CTNND2: variants seen among roughly 807,000 people sequenced by gnomAD.
CTNND2 encodes the protein catenin delta 2.
A neutral mutation model predicts 144.4 loss-of-function variants in CTNND2; 22 were observed. The observed-to-expected ratio is 0.15, with a 90% CI of 0.11 to 0.22. The LOEUF (loss-of-function observed/expected upper bound fraction) is 0.22. CTNND2 is among the 10% of genes least tolerant of loss of function. The probability of loss-of-function intolerance (pLI) is 1.00; values close to 1 mark genes in which losing one functional copy is unlikely to be tolerated. For synonymous variants in CTNND2, 751 were observed against 695.6 expected (o/e 1.08, Z -1.25); for missense variants, 1,353 against 1,618.8 (o/e 0.84, Z 2.82).
At chr5:11,147,663 A>G (rs79207666) in intron 12 of CTNND2, among the ~76,000 whole-genome samples, 1 of 32,468 alleles carries the variant, frequency 3.1e-5, no homozygotes, top group Non-Finnish European at 8.5e-5. Context: ...AGCAGTTGAA[A>G]AAAAAAAAAA....
intron 2 of CTNND2, among the ~76,000 whole-genome samples, chr5:11,680,335 AC>A (rs1474455065): frequency 5.3e-5 from 8 of 151,846 alleles, no homozygotes; most frequent in African/African-American, 1.2e-4. Flanking sequence ...CCCCACCCAC[AC>A]CCCCACATTT....
At chr5:11,153,155 G>A (rs1757903185) in intron 12 of CTNND2, among the ~76,000 whole-genome samples, 3 of 152,036 alleles carry the variant, frequency 2.0e-5, no homozygotes, top group South Asian at 4.1e-4. Context: ...CCAGGCACTC[G>A]GGAGGCTGAG....
intron 2 of CTNND2, among the ~76,000 whole-genome samples, chr5:11,725,714 T>C (rs1194691785): frequency 6.6e-6 from 1 of 152,212 alleles, no homozygotes; most frequent in Non-Finnish European, 1.5e-5. Context: ...TAATTATATA[T>C]CTGAGGAAAT....
intron 12 of CTNND2, among the ~76,000 whole-genome samples, chr5:11,129,314 A>AAATATATAATATGTAT (rs1453790936): frequency 4.0e-5 from 4 of 99,716 alleles, no homozygotes; most frequent in African/African-American, 8.2e-5. Flanking sequence ...ATATATATAA[A>AAATATATAATATGTAT]TATATATAAT....
intron 9 of CTNND2, among the ~76,000 whole-genome samples, chr5:11,250,314 G>C (rs1743424244): frequency 6.6e-6 from 1 of 151,482 alleles, no homozygotes; most frequent in Non-Finnish European, 1.5e-5. Flanking sequence ...TCAATATAAT[G>C]GTACCCAATT....
At chr5:11,708,959 T>G (rs912484456) in intron 2 of CTNND2, among the ~76,000 whole-genome samples, 4 of 152,186 alleles carry the variant, frequency 2.6e-5, no homozygotes, top group Non-Finnish European at 5.9e-5. Flanking sequence ...ATAGTGCCTT[T>G]GAGATTCGCA....
intron 18 of CTNND2, among the ~76,000 whole-genome samples, chr5:10,995,192 G>A (rs768409811): frequency 2.0e-5 from 3 of 152,260 alleles, no homozygotes; most frequent in Non-Finnish European, 4.4e-5. Context: ...ACCTGTAAGC[G>A]AATGCAAATA....
intron 1 of CTNND2, among the ~76,000 whole-genome samples, chr5:11,744,694 TGC>T (rs757716333): frequency 1.9e-4 from 20 of 106,550 alleles, no homozygotes; most frequent in Admixed American, 3.0e-4. Context: ...TTTGTGTGTG[TGC>T]GTGTGTGTGT....
intron 1 of CTNND2, among the ~76,000 whole-genome samples, chr5:11,754,783 T>G (rs890946746): frequency 6.6e-6 from 1 of 151,722 alleles, no homozygotes; most frequent in Non-Finnish European, 1.5e-5. Flanking sequence ...AGCCCCTGCT[T>G]TTTTCTGTTT....
intron 16 of CTNND2, among the ~76,000 whole-genome samples, chr5:11,055,203 C>T (rs1746232917): frequency 6.6e-6 from 1 of 152,206 alleles, no homozygotes; most frequent in Admixed American, 6.5e-5. Flanking sequence ...GCTACCTAAA[C>T]AAGTTGTGTG....
chr5:11,225,081 T>G lies in CTNND2; in HGVS notation c.1761+11610A>C, dbSNP rs32255. ...AAGACTGCCTGTGTGTCTTGCTAAC[T>G]GGCAACAGCAACAACAAAAAAAACC... On this transcript the variant is annotated intron_variant, in intron 10 of 21. Coordinates refer to ENST00000304623, the MANE Select transcript of CTNND2 (RefSeq NM_001332.4). 6.9e-3 allele frequency among the ~76,000 whole-genome samples: 1,058 copies of G among 152,262 alleles called. 5 individuals are homozygous for G. Among genetic ancestry groups the G allele is most frequent in the African/African-American group, 0.024 (1,007 of 41,544 alleles).
intron 3 of CTNND2, among the ~76,000 whole-genome samples, chr5:11,485,345 C>G (rs970518241): frequency 6.7e-6 from 1 of 148,736 alleles, no homozygotes; most frequent in Non-Finnish European, 1.5e-5. Context: ...GAGACAGAGA[C>G]TGTGTGTGTG....
intron 9 of CTNND2, among the ~76,000 whole-genome samples, chr5:11,301,258 T>C (rs1050949429): frequency 6.6e-6 from 1 of 152,128 alleles, no homozygotes; most frequent in African/African-American, 2.4e-5. Flanking sequence ...ACCTCGTGAG[T>C]TGCCCGCCTC....
intron 2 of CTNND2, among the ~76,000 whole-genome samples, chr5:11,590,789 A>G (rs956093820): frequency 6.6e-6 from 1 of 152,042 alleles, no homozygotes; most frequent in African/African-American, 2.4e-5. Context: ...TCCTAACTCC[A>G]CCACCTATCC....
At chr5:11,716,271 G>A (rs1786344782) in intron 2 of CTNND2, among the ~76,000 whole-genome samples, 1 of 152,112 alleles carries the variant, frequency 6.6e-6, no homozygotes, top group African/African-American at 2.4e-5. Flanking sequence ...AACAAGAAGA[G>A]TAGCAATTTA....
In CTNND2 at chr5:11,450,148, G is replaced by A. The variant is rs61760343; in HGVS notation, c.288-38079C>T. ...ATGGCTCTCAACTTATGTATCATTC[G>A]TGTAAAATGGGTTGCTTCTGACATT... On this transcript the variant is annotated intron_variant, in intron 3 of 21. Coordinates refer to ENST00000304623, the MANE Select transcript of CTNND2 (RefSeq NM_001332.4). Among the ~76,000 whole-genome samples the A allele has an allele frequency of 8.5e-5, 13 of 152,236 alleles. No homozygotes were observed. In the East Asian group the frequency reaches 2.1e-3, roughly 25 times the overall value.
chr5:11,376,104 T>C (rs973437426), intron 7 of CTNND2, among the ~76,000 whole-genome samples: 1 of 152,092 alleles, frequency 6.6e-6, no homozygotes, highest in African/African-American at 2.4e-5. Context: ...TGGACCCTCA[T>C]GGGACAATGA....
chr5:11,542,436 C>A (rs114214969), intron 3 of CTNND2, among the ~76,000 whole-genome samples: 1,733 of 152,130 alleles, frequency 0.011, 13 homozygotes, highest in Non-Finnish European at 0.017. Context: ...ATGACTAGAG[C>A]AGCCAACATA....
intron 1 of CTNND2, among the ~76,000 whole-genome samples, chr5:11,897,517 T>C (rs1737490361): frequency 6.6e-6 from 1 of 152,206 alleles, no homozygotes; most frequent in Non-Finnish European, 1.5e-5. Context: ...ATCACTTATA[T>C]ATGGTTTGGG....
Sources: allele counts gnomAD v4.1 joint callset (sites outside exome capture counted in the v4.1 genomes callset), GRCh38; gene constraint gnomAD v4.1.1; transcripts MANE v1.5; gene names NCBI Gene and HGNC (gene_info 2026-07-23, HGNC 2026-07-21).